THADA: variants seen among roughly 807,000 people sequenced by gnomAD.
THADA encodes the protein THADA armadillo repeat containing, also known as tRNA (32-2'-O)-methyltransferase regulator THADA.
THADA carries 213 observed loss-of-function variants against 219.8 expected under a neutral mutation model. The ratio of observed to expected loss-of-function variants is 0.97; its 90% confidence interval spans 0.87 to 1.09. The LOEUF is 1.09. Among genes scored for constraint, THADA ranks in the 50% least tolerant of loss-of-function variants. THADA has a pLI of 0.00. For missense variants in THADA, 2,956 were observed against 2,311.3 expected (o/e 1.28, Z -5.72); for synonymous variants, 1,018 against 828.9 (o/e 1.23, Z -3.92).
chr2:43,319,942 T>C (rs1043013933), intron 31 of THADA, among the ~76,000 whole-genome samples: 1 of 152,232 alleles, frequency 6.6e-6, no homozygotes, highest in Non-Finnish European at 1.5e-5. Context: ...CAACTGTATG[T>C]GGATCTGGGG....
chr2:43,501,306 C>CA lies in THADA; in HGVS notation c.3622-2352_3622-2351insT, dbSNP rs1558864377. Among the ~76,000 whole-genome samples, 104 of 12,276 alleles carry CA rather than the reference C, an allele frequency of 8.5e-3. 5 individuals are homozygous for CA. The highest frequency in any genetic ancestry group is 0.028 in the African/African-American group (102 of 3,666). 8.1% of individuals were successfully genotyped at this position (12,276 alleles called of 152,430 possible). Reference sequence around the variant, plus strand: ...GGGCAACAAAAGCGAAACTCCAACTCCAAAAAAAAAAAAAAAAAAAAAAAA... The same window carrying CA: ...GGGCAACAAAAGCGAAACTCCAACTCACAAAAAAAAAAAAAAAAAAAAAAAA... On this transcript the variant is annotated intron_variant, in intron 24 of 37. Transcript: ENST00000405975.
intron 28 of THADA, among the ~76,000 whole-genome samples, chr2:43,415,449 T>C (rs1389441032): frequency 1.3e-5 from 2 of 152,152 alleles, no homozygotes; most frequent in African/African-American, 2.4e-5. Flanking sequence ...ATGTATTCAT[T>C]AGTAGTAGTA....
rs369150565 is a variant in THADA, at chr2:43,330,952, G to A, written c.4344-10412C>T. On this transcript the variant is annotated intron_variant, in intron 30 of 37. Transcript: ENST00000405975. ...AAGTAGGAAGAAGTCGCCTGCCCCC[G>A]TGTCTATTACCTCTTCTACAAATAT... Among the ~76,000 whole-genome samples, 53 of 152,286 alleles carry A rather than the reference G, an allele frequency of 3.5e-4. No individual in the cohort carries two copies. In the South Asian group the frequency reaches 5.4e-3, roughly 15 times the overall value.
intron 29 of THADA, among the ~76,000 whole-genome samples, chr2:43,393,363 T>C (rs1331868475): frequency 6.6e-6 from 1 of 152,168 alleles, no homozygotes; most frequent in Non-Finnish European, 1.5e-5. Flanking sequence ...GTTATTCACA[T>C]CAGAGGCAGC....
intron 31 of THADA, among the ~76,000 whole-genome samples, chr2:43,320,175 C>A (rs1291719210): frequency 6.6e-6 from 1 of 152,076 alleles, no homozygotes; most frequent in Non-Finnish European, 1.5e-5. Flanking sequence ...AGAAAAAAGC[C>A]GGGGTCGTAG....
intron 28 of THADA, among the ~76,000 whole-genome samples, chr2:43,415,958 C>T (rs777229132): frequency 1.3e-4 from 19 of 151,884 alleles, no homozygotes; most frequent in Non-Finnish European, 2.6e-4. Flanking sequence ...TTAAATCACA[C>T]AGAAAAAAGG....
chr2:43,294,383 G>A (rs1675110059), intron 31 of THADA, among the ~76,000 whole-genome samples: 1 of 152,192 alleles, frequency 6.6e-6, no homozygotes, highest in Non-Finnish European at 1.5e-5. Context: ...GAAGACAGGT[G>A]ACAATGTGTT....
intron 20 of THADA, among the ~76,000 whole-genome samples, chr2:43,542,872 T>A (rs1312248236): frequency 3.3e-5 from 5 of 152,128 alleles, no homozygotes; most frequent in Non-Finnish European, 7.4e-5. Flanking sequence ...TAATTTAATT[T>A]TATTATTATT....
intron 22 of THADA, among the ~76,000 whole-genome samples, chr2:43,518,825 T>G (rs1307382919): frequency 6.6e-6 from 1 of 152,122 alleles, no homozygotes; most frequent in Non-Finnish European, 1.5e-5. Context: ...CCTATTTGCC[T>G]GGGACTAAAG....
intron 36 of THADA, among the ~76,000 whole-genome samples, chr2:43,245,308 G>T (rs1008448145): frequency 1.3e-5 from 2 of 151,476 alleles, no homozygotes; most frequent in Non-Finnish European, 2.9e-5. Context: ...TAGTAGCTGG[G>T]ACTACAGGCA....
intron 36 of THADA, among the ~76,000 whole-genome samples, chr2:43,255,510 T>C (rs1670214808): frequency 6.6e-6 from 1 of 152,168 alleles, no homozygotes; most frequent in Admixed American, 6.5e-5. Flanking sequence ...GTGGTGCTGC[T>C]GTGAAGGTGA....
chr2:43,498,987 T>G, intron 24 of THADA, 32 bp from the exon 25 acceptor site: 2 of 1,547,916 alleles, frequency 1.3e-6, no homozygotes, highest in Non-Finnish European at 1.7e-6. Flanking sequence ...TAGTTGTGGG[T>G]TGAAAACCAT....
intron 22 of THADA, among the ~76,000 whole-genome samples, chr2:43,515,279 T>C (rs1277433794): frequency 6.6e-5 from 4 of 60,360 alleles, no homozygotes; most frequent in Admixed American, 6.0e-4. Flanking sequence ...TAATATATAA[T>C]ATATTATATA....
At chr2:43,582,744 T>G (rs1280404467) in intron 7 of THADA, among the ~76,000 whole-genome samples, 1 of 151,646 alleles carries the variant, frequency 6.6e-6, no homozygotes, top group African/African-American at 2.4e-5. Context: ...ATTTTTATAT[T>G]TTTAGTAGAG....
intron 24 of THADA, among the ~76,000 whole-genome samples, chr2:43,501,161 C>T (rs746613531): frequency 1.3e-5 from 2 of 151,440 alleles, no homozygotes; most frequent in Non-Finnish European, 2.9e-5. Context: ...AAAAAATTAG[C>T]TGGGCGTGGT....
chr2:43,468,874 T>C (rs924175921), intron 26 of THADA, among the ~76,000 whole-genome samples: 1 of 152,176 alleles, frequency 6.6e-6, no homozygotes, highest in Non-Finnish European at 1.5e-5. Context: ...CATTTTATGA[T>C]TGACCCTGAG....
chr2:43,329,437 C>T (rs768844027), intron 30 of THADA, among the ~76,000 whole-genome samples: 60 of 152,200 alleles, frequency 3.9e-4, no homozygotes, highest in Middle Eastern at 3.4e-3. Flanking sequence ...TCAATAGGAC[C>T]GTGGTCATGT....
chr2:43,595,729 T>G (rs1313582392), intron 1 of THADA: 1 of 152,272 alleles, frequency 6.6e-6, no homozygotes, highest in Non-Finnish European at 1.5e-5. Flanking sequence ...CTGAACCACG[T>G]GGAGTCGAGG....
At chr2:43,542,367 G>C in intron 20 of THADA, among the ~76,000 whole-genome samples, 1 of 152,144 alleles carries the variant, frequency 6.6e-6, no homozygotes. Context: ...TACCTCTGTT[G>C]TTTGAAACTA....
Sources: gnomAD v4.1 joint callset for allele counts (sites outside exome capture counted in the v4.1 genomes callset) on GRCh38, gnomAD v4.1.1 for gene constraint, MANE v1.5 for transcripts, NCBI Gene and HGNC (gene_info 2026-07-23, HGNC 2026-07-21) for gene names.